ZNF407: variants seen among roughly 807,000 people sequenced by gnomAD.
ZNF407 encodes the protein zinc finger protein 407.
ZNF407 carries 17 observed loss-of-function variants against 131.2 expected under a neutral mutation model. That is an observed-to-expected ratio of 0.13 (90% CI 0.09 to 0.19). The LOEUF is 0.19. Among genes scored for constraint, ZNF407 ranks in the 10% least tolerant of loss-of-function variants. The probability of loss-of-function intolerance (pLI) is 1.00; values close to 1 mark genes in which losing one functional copy is unlikely to be tolerated. For missense variants in ZNF407, 2,681 were observed against 2,830.6 expected (o/e 0.95, Z 1.20); for synonymous variants, 1,156 against 1,062.0 (o/e 1.09, Z -1.72).
At chr18:74,960,013 GC>G (rs1418845256) in intron 8 of ZNF407, among the ~76,000 whole-genome samples, 2 of 152,198 alleles carry the variant, frequency 1.3e-5, no homozygotes, top group Admixed American at 6.5e-5. Context: ...TATCACAAGT[GC>G]TTTCACCCCA....
rs568900797 is a variant in ZNF407, at chr18:74,735,963, G to T, written c.4803-45465G>T. ...GATTACAGTAATTACACAGTCTTTG[G>T]CTAGTTTGTATTGGCAAACTCTATG... On this transcript the variant is annotated intron_variant, in intron 3 of 8. Transcript: ENST00000299687. Among the ~76,000 whole-genome samples the T allele has an allele frequency of 9.2e-5, 14 of 152,274 alleles. No homozygotes were observed. The East Asian group carries it at 2.5e-3, about 27-fold the overall frequency.
chr18:74,610,043 A>T (rs1043769935), intron 1 of ZNF407, among the ~76,000 whole-genome samples: 3 of 152,228 alleles, frequency 2.0e-5, no homozygotes, highest in African/African-American at 7.2e-5. Context: ...TGGAAGAAAC[A>T]TATTGGATAT....
intron 8 of ZNF407, among the ~76,000 whole-genome samples, chr18:75,003,963 A>G (rs1972877482): frequency 1.3e-5 from 2 of 152,206 alleles, no homozygotes; most frequent in African/African-American, 4.8e-5. Context: ...GGGACCTGTA[A>G]GAATGCTGGC....
chr18:74,609,381 G>C (rs561676707), intron 1 of ZNF407, among the ~76,000 whole-genome samples: 19 of 152,264 alleles, frequency 1.2e-4, no homozygotes, highest in Non-Finnish European at 2.5e-4. Flanking sequence ...GTGGTCTACC[G>C]CTCCTAGGCA....
At chr18:74,741,614 G>A (rs1483447819) in intron 3 of ZNF407, among the ~76,000 whole-genome samples, 1 of 152,076 alleles carries the variant, frequency 6.6e-6, no homozygotes, top group Non-Finnish European at 1.5e-5. Context: ...ACAGTGTGGT[G>A]TATTATAGAT....
intron 3 of ZNF407, among the ~76,000 whole-genome samples, chr18:74,777,431 G>T (rs180984205): frequency 3.3e-5 from 5 of 152,088 alleles, no homozygotes; most frequent in Non-Finnish European, 5.9e-5. Context: ...TTCTAGCATG[G>T]ATCTTGGCCT....
intron 8 of ZNF407, among the ~76,000 whole-genome samples, chr18:74,941,005 C>T (rs1972091927): frequency 6.6e-6 from 1 of 152,078 alleles, no homozygotes; most frequent in South Asian, 2.1e-4. Context: ...TTTGTTAGCT[C>T]GGGGTGACCT....
chr18:74,849,904 G>T (rs1446800899), intron 4 of ZNF407, among the ~76,000 whole-genome samples: 1 of 152,086 alleles, frequency 6.6e-6, no homozygotes, highest in Non-Finnish European at 1.5e-5. Context: ...TGTTTTTACT[G>T]GTCTTTGAAC....
chr18:74,744,294 G>A (rs956927090), intron 3 of ZNF407, among the ~76,000 whole-genome samples: 4 of 152,260 alleles, frequency 2.6e-5, no homozygotes, highest in African/African-American at 9.6e-5. Flanking sequence ...ATGAAGGGAC[G>A]TCCTCTGATG....
At chr18:74,673,604 G>A (rs1290485061) in intron 3 of ZNF407, among the ~76,000 whole-genome samples, 2 of 152,118 alleles carry the variant, frequency 1.3e-5, no homozygotes, top group African/African-American at 4.8e-5. Context: ...ACATCTTTGG[G>A]GTTCATTGTA....
chr18:74,633,272 A>T lies in ZNF407; in HGVS notation c.2253A>T (p.Lys751Asn), dbSNP rs1984230467. The change falls in exon 2 of 9, where the codon AAA becomes AAT. Residue 751 changes from lysine (K) to asparagine (N), a missense_variant. By Grantham distance (94) the Lys-to-Asn change is moderately conservative. Around this residue, in one of 6 missense-constraint regions of ZNF407, gnomAD observed 1,789 missense variants for 1,748.7 expected, o/e 1.02. Transcript: ENST00000299687. ...LYSLSKEGME[K>N]HIKRSKHLEN... Reference sequence around the variant, plus strand: ...CATTGAGCAAAGAAGGAATGGAGAAACACATTAAAAGAAGCAAGCATCTTG... The same window carrying T: ...CATTGAGCAAAGAAGGAATGGAGAATCACATTAAAAGAAGCAAGCATCTTG... 1 of 1,612,616 alleles carries T rather than the reference A, an allele frequency of 6.2e-7. No individual in the cohort carries two copies. The highest frequency in any genetic ancestry group is 1.3e-5 in the African/African-American group (1 of 74,760).
intron 4 of ZNF407, among the ~76,000 whole-genome samples, chr18:74,809,201 A>C (rs1275819255): frequency 6.6e-6 from 1 of 152,166 alleles, no homozygotes; most frequent in Admixed American, 6.5e-5. Flanking sequence ...GCTCTCTTTA[A>C]TATTTCTTTC....
chr18:75,063,248 C>G lies in ZNF407; in HGVS notation c.5527C>G (p.Pro1843Ala). ...CACCGCGGCGGCCTTGGCAGAAGAG[C>G]CCCTCGTCAAGGAGAAGCCCCTCAG... ...PFTAAALAEEPLVKEKPLRSS... is the reference protein window; with the variant it reads ...PFTAAALAEEALVKEKPLRSS... Residue 1843 changes from proline (P) to alanine (A), a missense_variant, in exon 9 of 9, where the codon CCC becomes GCC. By Grantham distance (27) the Pro-to-Ala change is conservative. Coordinates refer to ENST00000299687, the MANE Select transcript of ZNF407 (RefSeq NM_017757.3). The surrounding 1 kb of genome is among the most constrained non-coding windows in gnomAD (Gnocchi z 6.6). The G allele has an allele frequency of 6.2e-7, 1 of 1,613,602 alleles. No individual in the cohort carries two copies. Among genetic ancestry groups the G allele is most frequent in the Non-Finnish European group, 8.5e-7 (1 of 1,179,874 alleles).
At chr18:74,800,656 T>C (rs1349433746) in intron 4 of ZNF407, among the ~76,000 whole-genome samples, 1 of 152,184 alleles carries the variant, frequency 6.6e-6, no homozygotes. Context: ...GGGAGAAGCC[T>C]AAAGCCAATC....
chr18:74,910,398 C>T (rs1447553641), intron 7 of ZNF407, among the ~76,000 whole-genome samples: 2 of 152,014 alleles, frequency 1.3e-5, no homozygotes, highest in Non-Finnish European at 2.9e-5. Context: ...ACTCTCCCTC[C>T]AGCTCCCCAC....
intron 3 of ZNF407, among the ~76,000 whole-genome samples, chr18:74,722,340 A>AT (rs1165868504): frequency 7.2e-5 from 11 of 152,106 alleles, no homozygotes; most frequent in African/African-American, 2.2e-4. Flanking sequence ...TTTTAAAATA[A>AT]TTTTTGCGTG....
chr18:74,778,022 C>T (rs1969510207), intron 3 of ZNF407, among the ~76,000 whole-genome samples: 1 of 152,142 alleles, frequency 6.6e-6, no homozygotes, highest in African/African-American at 2.4e-5. Flanking sequence ...TTTGAAATTA[C>T]AGTGAGCTAT....
chr18:74,974,780 T>A (rs1340714034), intron 8 of ZNF407, among the ~76,000 whole-genome samples: 1 of 152,226 alleles, frequency 6.6e-6, no homozygotes, highest in Non-Finnish European at 1.5e-5. Flanking sequence ...ACTTTAAGTA[T>A]GGGGTAAATC....
At chr18:74,939,554 A>G (rs2145266136) in intron 8 of ZNF407, among the ~76,000 whole-genome samples, 1 of 152,354 alleles carries the variant, frequency 6.6e-6, no homozygotes, top group East Asian at 1.9e-4. Context: ...CCAAAAGTAT[A>G]TGCAAAAATG....
Sources: allele counts gnomAD v4.1 joint callset (sites outside exome capture counted in the v4.1 genomes callset), GRCh38; gene constraint gnomAD v4.1.1; regional missense constraint gnomAD v4.1.1; non-coding constraint Gnocchi (gnomAD v3.1); transcripts MANE v1.5; gene names NCBI Gene and HGNC (gene_info 2026-07-23, HGNC 2026-07-21).